NSD3: variants seen among roughly 807,000 people sequenced by gnomAD.
The protein encoded by NSD3 is nuclear receptor binding SET domain protein 3.
Under a neutral mutation model 160.8 loss-of-function variants are expected in NSD3, and 24 were observed. The observed-to-expected ratio is 0.15, with a 90% confidence interval of 0.11 to 0.21. The LOEUF is 0.21. Among genes scored for constraint, NSD3 ranks in the 10% least tolerant of loss-of-function variants. The pLI is 1.00. For synonymous variants in NSD3, 520 were observed against 600.0 expected, an observed-to-expected ratio of 0.87 and a Z score of 1.95; for missense variants, 1,157 against 1,735.9, an observed-to-expected ratio of 0.67 and a Z score of 5.93.
In NSD3 at chr8:38,362,206, A is replaced by G. The variant is rs530766530; in HGVS notation, c.-44-13991T>C. Among the ~76,000 whole-genome samples, 184 of 142,728 alleles carry G rather than the reference A, an allele frequency of 1.3e-3. 1 individual carries two copies. Among genetic ancestry groups the G allele is most frequent in the African/African-American group, 4.4e-3 (169 of 38,480 alleles). 93.6% of individuals were successfully genotyped at this position (142,728 alleles called of 152,430 possible). A position where few individuals can be genotyped will look rare whatever the true frequency, so the allele number is the denominator to read the frequency against. ...CAGAGCCAACTATAGTGCCTGGCAC[A>G]TTATCAATAAACAAATCAATCCAAA... On this transcript the variant is annotated intron_variant, in intron 1 of 23. Transcript: ENST00000317025.
At chr8:38,322,215 C>T (rs191758878) in intron 7 of NSD3, among the ~76,000 whole-genome samples, 68 of 152,222 alleles carry the variant, frequency 4.5e-4, no homozygotes, top group African/African-American at 1.5e-3. Context: ...CACTTTAGTT[C>T]AAAGCCAAAA....
At chr8:38,290,435 A>G (rs1808975346) in intron 17 of NSD3, 40 bp downstream of exon 17, 1 of 1,597,624 alleles carries the variant, frequency 6.3e-7, no homozygotes, top group Non-Finnish European at 8.6e-7. Context: ...CTGACACCGG[A>G]GTTGTAGTTT....
intron 1 of NSD3, among the ~76,000 whole-genome samples, chr8:38,351,972 G>GT: frequency 6.6e-6 from 1 of 150,598 alleles, no homozygotes; most frequent in Non-Finnish European, 1.5e-5. Flanking sequence ...GTATACATAC[G>GT]TAACAAACCT....
Position 38,348,124 on chromosome 8 carries a change from A to T in NSD3, c.48T>A (p.Ile16=), listed in dbSNP as rs779978106. 1 of 1,611,798 alleles carries T rather than the reference A, an allele frequency of 6.2e-7. No individual in the cohort carries two copies. Among genetic ancestry groups the T allele is most frequent in the African/African-American group, 1.3e-5 (1 of 74,984 alleles). The part of the protein sequence containing the change: ...SFMQGIMGNT[I]QQPPQLIDSA... ...AGTCAATGAGTTGAGGTGGTTGCTG[A>T]ATTGTGTTTCCCATGATCCCTTGCA... The change falls in exon 2 of 24, where the codon ATT becomes ATA. Residue 16 remains isoleucine, a synonymous_variant. Transcript: ENST00000317025.
At chr8:38,366,509 G>C (rs1320434465) in intron 1 of NSD3, among the ~76,000 whole-genome samples, 2 of 150,222 alleles carry the variant, frequency 1.3e-5, no homozygotes, top group Non-Finnish European at 2.9e-5. Context: ...TTGCCTCCTG[G>C]GTTCAAGCAA....
At chr8:38,343,613 T>G (rs758144109) in intron 2 of NSD3, among the ~76,000 whole-genome samples, 5 of 151,866 alleles carry the variant, frequency 3.3e-5, no homozygotes, top group Non-Finnish European at 7.4e-5. Flanking sequence ...TGAGGCAGGA[T>G]AATCGCTTGA....
intron 8 of NSD3, chr8:38,320,763 AAAAATCAT>A (rs1296570490): frequency 4.2e-5 from 9 of 214,882 alleles, no homozygotes; most frequent in African/African-American, 2.0e-4. Flanking sequence ...GGTTCCAAAT[AAAAATCAT>A]AAAAACATGA....
chr8:38,279,228 C>G (rs1808679836), intron 21 of NSD3, among the ~76,000 whole-genome samples: 1 of 152,236 alleles, frequency 6.6e-6, no homozygotes, highest in African/African-American at 2.4e-5. Context: ...CATCTGGTTA[C>G]ACTCTATGGA....
chr8:38,299,703 G>A (rs1008610251), intron 14 of NSD3, 113 bp from the exon 15 acceptor site: 3 of 1,038,274 alleles, frequency 2.9e-6, no homozygotes, highest in South Asian at 3.8e-5. Flanking sequence ...TGGGGAGGGC[G>A]AAAATGAGAA....
At chr8:38,304,823 G>T in intron 13 of NSD3, 66 bp from the exon 14 acceptor site, 1 of 1,502,642 alleles carries the variant, frequency 6.7e-7, no homozygotes, top group Non-Finnish European at 8.8e-7. Flanking sequence ...TAAGTTTCTG[G>T]AGTTGGGCTT....
At chr8:38,313,718 G>A (rs1809588524) in intron 12 of NSD3, among the ~76,000 whole-genome samples, 1 of 151,460 alleles carries the variant, frequency 6.6e-6, no homozygotes, top group Admixed American at 6.6e-5. Context: ...AACCTGGGAG[G>A]CGGAGCTTGC....
rs1416895650 is a variant in NSD3 at position 38,317,488 on chromosome 8, T to A, written c.1855+1407A>T. 1.9e-6 allele frequency: 2 copies of A among 1,057,150 alleles called. No homozygotes were observed. Among genetic ancestry groups the A allele is most frequent in the African/African-American group, 3.3e-5 (2 of 60,368 alleles). 65.5% of individuals were successfully genotyped at this position (1,057,150 alleles called of 1,614,324 possible). A position where few individuals can be genotyped will look rare whatever the true frequency, so the allele number is the denominator to read the frequency against. On this transcript the variant is annotated intron_variant, in intron 9 of 23. Coordinates refer to ENST00000317025, the MANE Select transcript of NSD3 (RefSeq NM_023034.2). The surrounding 1 kb of genome is among the most constrained non-coding windows in gnomAD (Gnocchi z 5.3). ...CAGGTACCGCCATTTCCGATGAGTT[T>A]CTGAAAATGCTAGAAAAATGACAGA...
At chr8:38,370,129 G>A (rs1038717034) in intron 1 of NSD3, among the ~76,000 whole-genome samples, 4 of 152,096 alleles carry the variant, frequency 2.6e-5, no homozygotes, top group Non-Finnish European at 4.4e-5. Context: ...TTTGTTAAAC[G>A]GCTTAAGCGA....
chr8:38,312,776 T>G (rs970002845), intron 12 of NSD3, among the ~76,000 whole-genome samples: 2 of 152,178 alleles, frequency 1.3e-5, no homozygotes, highest in Non-Finnish European at 1.5e-5. Flanking sequence ...AAGCAGATAC[T>G]GGCACTATCC....
chr8:38,331,358 T>C, intron 5 of NSD3, 73 bp downstream of exon 5: 1 of 1,403,794 alleles, frequency 7.1e-7, no homozygotes. Context: ...TGAATTCAAG[T>C]ATGAAAAATT....
Position 38,318,091 on chromosome 8 carries a change from C to A in NSD3, c.1855+804G>T. 2 of 1,604,608 alleles carry A rather than the reference C, an allele frequency of 1.2e-6. No homozygotes were observed. The highest frequency in any genetic ancestry group is 2.2e-5 in the East Asian group (1 of 44,730). ...TCAGGCCTCCTAATCTCGCAGCGAT[C>A]GCGATGTCTTTTCTTGGAGCTCCGC... On this transcript the variant is annotated intron_variant, in intron 9 of 23. Transcript: ENST00000317025. This position sits in a 1 kb window ranked among gnomAD's most constrained non-coding sequence, Gnocchi z 5.3.
chr8:38,375,067 T>A (rs1811356464), intron 1 of NSD3, among the ~76,000 whole-genome samples: 1 of 152,182 alleles, frequency 6.6e-6, no homozygotes, highest in Non-Finnish European at 1.5e-5. Flanking sequence ...TTCACATTTT[T>A]AAAAAGCCAA....
Position 38,275,498 on chromosome 8 carries a change from C to T in NSD3, c.*143G>A. The T allele has an allele frequency of 2.7e-6, 2 of 737,740 alleles. No individual in the cohort carries two copies. The highest frequency in any genetic ancestry group is 5.9e-5 in the Admixed American group (2 of 33,856). 45.7% of individuals were successfully genotyped at this position (737,740 alleles called of 1,614,324 possible). On this transcript the variant is annotated 3_prime_UTR_variant, in exon 24 of 24. Coordinates refer to ENST00000317025, the MANE Select transcript of NSD3 (RefSeq NM_023034.2). The stretch of plus-strand genomic sequence containing the variant: ...AACCAGACACCACCAACTGCTTCTG[C>T]CTGCATGAACTGGTTTCCCATTTTT...
rs775982626 is a variant in NSD3 at position 38,315,924 on chromosome 8, C to T, written c.1974G>A (p.Leu658=). 6.2e-6 allele frequency: 10 copies of T among 1,613,812 alleles called. No individual in the cohort carries two copies. Among genetic ancestry groups the T allele is most frequent in the Non-Finnish European group, 6.8e-6 (8 of 1,179,964 alleles). The stretch of plus-strand genomic sequence containing the variant: ...TGCACATATTTACCTGCAGGTCACT[C>T]AGTCCTCTAGAATCGGAGTCAGATG... ...RDTSDSDSRG[L]SDLQVGFGKQ... is the part of the protein sequence containing the mutation. The change falls in exon 10 of 24, where the codon CTG becomes CTA. Residue 658 remains leucine, a synonymous_variant. Transcript: ENST00000317025.
Sources: allele counts gnomAD v4.1 joint callset (sites outside exome capture counted in the v4.1 genomes callset), GRCh38; gene constraint gnomAD v4.1.1; non-coding constraint Gnocchi (gnomAD v3.1); transcripts MANE v1.5; gene names NCBI Gene and HGNC (gene_info 2026-07-23, HGNC 2026-07-21).